CALD1: variants seen among roughly 807,000 people sequenced by gnomAD.
CALD1 encodes caldesmon.
Under a neutral mutation model 99.9 loss-of-function variants are expected in CALD1, and 33 were observed. The ratio of observed to expected loss-of-function variants is 0.33; its 90% CI spans 0.25 to 0.44. CALD1 has a LOEUF of 0.44. CALD1 is among the 20% of genes least tolerant of loss of function. The probability of loss-of-function intolerance (pLI) is 1.00; values close to 1 mark genes in which losing one functional copy is unlikely to be tolerated. For synonymous variants in CALD1, 310 were observed against 325.0 expected (o/e 0.95, Z 0.50); for missense variants, 861 against 962.1 (o/e 0.89, Z 1.39).
chr7:134,805,794 T>C (rs888384829), intron 1 of CALD1, among the ~76,000 whole-genome samples: 1 of 152,182 alleles, frequency 6.6e-6, no homozygotes, highest in Non-Finnish European at 1.5e-5. Flanking sequence ...TTCTTTTTGC[T>C]CTGTTACCCA....
At chr7:134,856,125 G>T (rs1800289860) in intron 2 of CALD1, among the ~76,000 whole-genome samples, 1 of 152,192 alleles carries the variant, frequency 6.6e-6, no homozygotes, top group Non-Finnish European at 1.5e-5. Flanking sequence ...TTGTCACAAA[G>T]ATCCTCCTTT....
intron 4 of CALD1, among the ~76,000 whole-genome samples, chr7:134,929,363 G>A (rs977811009): frequency 2.0e-5 from 3 of 151,322 alleles, no homozygotes; most frequent in Non-Finnish European, 2.9e-5. Context: ...TACACACCAC[G>A]CCCAATGCGC....
At chr7:134,887,452 T>C (rs1801909370) in intron 3 of CALD1, among the ~76,000 whole-genome samples, 1 of 152,216 alleles carries the variant, frequency 6.6e-6, no homozygotes, top group Non-Finnish European at 1.5e-5. Context: ...AATTTCTTCA[T>C]AAGAAAATTT....
chr7:134,806,397 C>G (rs1277240722), intron 1 of CALD1, among the ~76,000 whole-genome samples: 1 of 152,178 alleles, frequency 6.6e-6, no homozygotes, highest in East Asian at 1.9e-4. Context: ...ACCTTTCTAG[C>G]TTGTGGCTTT....
chr7:134,932,965 G>A lies in CALD1; in HGVS notation c.219-23G>A, dbSNP rs748916759. On this transcript the variant is annotated intron_variant, in intron 4 of 14. Coordinates refer to ENST00000361675, the MANE Select transcript of CALD1 (RefSeq NM_033138.4). ...CTGATGAATGAGCAAGCTGTCTTTGGTGTTGTTCTTTCTGTTGTACAGTGT... is the reference window on the plus strand; with the variant it reads ...CTGATGAATGAGCAAGCTGTCTTTGATGTTGTTCTTTCTGTTGTACAGTGT... 2.0e-6 allele frequency: 3 copies of A among 1,523,426 alleles called. No individual in the cohort carries two copies. The African/African-American group carries it at 4.1e-5, about 21-fold the overall frequency. The allele number at this position is 1,523,426 out of a possible 1,614,324, so 94.4% of individuals were successfully genotyped here.
intron 3 of CALD1, among the ~76,000 whole-genome samples, chr7:134,869,646 T>C (rs1461828151): frequency 6.6e-6 from 1 of 152,182 alleles, no homozygotes; most frequent in Admixed American, 6.5e-5. Flanking sequence ...TCTTGAATCG[T>C]CAGAGAGGAG....
chr7:134,812,750 T>A (rs1205925313), intron 1 of CALD1, among the ~76,000 whole-genome samples: 2 of 152,182 alleles, frequency 1.3e-5, no homozygotes, highest in Admixed American at 6.5e-5. Flanking sequence ...GGCATTTGAT[T>A]GGAATTGTTA....
At chr7:134,835,799 G>A (rs1799410647) in intron 1 of CALD1, among the ~76,000 whole-genome samples, 1 of 152,060 alleles carries the variant, frequency 6.6e-6, no homozygotes, top group Non-Finnish European at 1.5e-5. Flanking sequence ...GGCCAAACTG[G>A]ACATTATTAA....
At chr7:134,773,833 T>C (rs546404744) in intron 1 of CALD1, among the ~76,000 whole-genome samples, 4 of 151,248 alleles carry the variant, frequency 2.6e-5, no homozygotes, top group Non-Finnish European at 5.9e-5. Flanking sequence ...TGTGTTTCTG[T>C]TGTTTGTTAT....
chr7:134,753,607 G>A (rs920318229), intron 1 of CALD1, among the ~76,000 whole-genome samples: 11 of 152,190 alleles, frequency 7.2e-5, no homozygotes, highest in African/African-American at 2.7e-4. Flanking sequence ...TAGGCCAACT[G>A]CCCTGAGGGT....
At chr7:134,916,875 A>G (rs1328219790) in intron 3 of CALD1, among the ~76,000 whole-genome samples, 1 of 152,254 alleles carries the variant, frequency 6.6e-6, no homozygotes, top group Non-Finnish European at 1.5e-5. Context: ...CACTCTAAAT[A>G]TAAGACTTAT....
At chr7:134,850,733 T>G (rs1387334221) in intron 2 of CALD1, among the ~76,000 whole-genome samples, 1 of 152,194 alleles carries the variant, frequency 6.6e-6, no homozygotes, top group African/African-American at 2.4e-5. Context: ...CAAATGTGCT[T>G]CCCTTGTCCA....
rs543933999 is a variant in CALD1 at position 134,863,219 on chromosome 7, C to G, written c.-41-4474C>G. On this transcript the variant is annotated intron_variant, in intron 2 of 14. Transcript: ENST00000361675. ...GGAATATATGGAAACTCTGTACTCTCTATTCGCTTTTTTTCTGCTCTAAGA... is the reference window on the plus strand; with the variant it reads ...GGAATATATGGAAACTCTGTACTCTGTATTCGCTTTTTTTCTGCTCTAAGA... Among the ~76,000 whole-genome samples the G allele has an allele frequency of 3.3e-5, 5 of 152,306 alleles. No individual in the cohort carries two copies. The East Asian group carries it at 7.7e-4, about 24-fold the overall frequency.
At chr7:134,951,287 A>G (rs1354736204) in intron 9 of CALD1, among the ~76,000 whole-genome samples, 3 of 152,214 alleles carry the variant, frequency 2.0e-5, no homozygotes, top group Non-Finnish European at 4.4e-5. Flanking sequence ...TGTTTACAAC[A>G]TATGGAAAGG....
upstream of CALD1, among the ~76,000 whole-genome samples, chr7:134,742,016 TACACACACAC>T (rs112633191): frequency 6.1e-5 from 9 of 147,882 alleles, no homozygotes; most frequent in Non-Finnish European, 7.5e-5. Flanking sequence ...GAGGTATTGA[TACACACACAC>T]ACACACACAC....
chr7:134,722,994 G>A, the CALD1 span, among the ~76,000 whole-genome samples: 2 of 152,142 alleles, frequency 1.3e-5, no homozygotes, highest in Non-Finnish European at 2.9e-5. Flanking sequence ...AGCTGCCTGG[G>A]GTTGTAGTGA....
At chr7:134,831,329 T>C (rs1171270127) in intron 1 of CALD1, among the ~76,000 whole-genome samples, 2 of 151,396 alleles carry the variant, frequency 1.3e-5, no homozygotes, top group Admixed American at 6.6e-5. Flanking sequence ...AATTTCTTTC[T>C]TTTTTTTTGA....
rs534076306 is a variant in CALD1, at chr7:134,809,913, A to C, written c.-130+30164A>C. Among the ~76,000 whole-genome samples, 12 of 152,302 alleles carry C rather than the reference A, an allele frequency of 7.9e-5. No homozygotes were observed. The South Asian group carries it at 2.5e-3, about 32-fold the overall frequency. On this transcript the variant is annotated intron_variant, in intron 1 of 14. Transcript: ENST00000361675. ...TATACAGACAGAAATGGGACATGGGAGCCAAATTCCACAAGAACACCCTTG... is the reference window on the plus strand; with the variant it reads ...TATACAGACAGAAATGGGACATGGGCGCCAAATTCCACAAGAACACCCTTG...
chr7:134,726,701 C>T, the CALD1 span, among the ~76,000 whole-genome samples: 1 of 151,880 alleles, frequency 6.6e-6, no homozygotes, highest in Non-Finnish European at 1.5e-5. Context: ...TTGCAAACAA[C>T]TCAAACAGAT....
Sources: gnomAD v4.1 joint callset for allele counts (sites outside exome capture counted in the v4.1 genomes callset) on GRCh38, gnomAD v4.1.1 for gene constraint, MANE v1.5 for transcripts, NCBI Gene and HGNC (gene_info 2026-07-23, HGNC 2026-07-21) for gene names.